PDE1C: variants seen among roughly 807,000 people sequenced by gnomAD.
The protein encoded by PDE1C is dual specificity calcium/calmodulin-dependent 3',5'-cyclic nucleotide phosphodiesterase 1C.
In PDE1C, 62 loss-of-function variants were observed where a neutral mutation model predicts 93.1. That is an observed-to-expected ratio of 0.67 (90% confidence interval 0.54 to 0.82). PDE1C has a LOEUF of 0.82. Ranked by LOEUF, PDE1C falls within the 40% of genes least tolerant of loss-of-function variation. The pLI, the probability that PDE1C is intolerant of heterozygous loss-of-function variation, is 0.00. For missense variants in PDE1C, 742 were observed against 884.6 expected (o/e 0.84, Z 2.04); for synonymous variants, 325 against 310.1 (o/e 1.05, Z -0.50).
chr7:32,238,649 A>T (rs1400300069), intron 1 of PDE1C, among the ~76,000 whole-genome samples: 1 of 152,254 alleles, frequency 6.6e-6, no homozygotes, highest in East Asian at 1.9e-4. Context: ...ATCAGATATT[A>T]GCACTTAATT....
intron 8 of PDE1C, among the ~76,000 whole-genome samples, chr7:31,850,388 G>A (rs1021990892): frequency 5.9e-5 from 9 of 152,024 alleles, no homozygotes; most frequent in African/African-American, 1.9e-4. Context: ...AACAAATAGC[G>A]AACATTAGAA....
intron 1 of PDE1C, among the ~76,000 whole-genome samples, chr7:32,337,428 A>G (rs547595576): frequency 1.3e-5 from 2 of 152,204 alleles, no homozygotes; most frequent in Non-Finnish European, 2.9e-5. Context: ...AACCAAAACT[A>G]GTATAGTTGA....
intron 2 of PDE1C, among the ~76,000 whole-genome samples, chr7:31,941,910 T>A (rs1176878791): frequency 6.6e-6 from 1 of 152,200 alleles, no homozygotes; most frequent in African/African-American, 2.4e-5. Context: ...CAAAGTGGCA[T>A]TTTGAGTCAC....
chr7:31,631,238 G>A, the PDE1C span, among the ~76,000 whole-genome samples: 1 of 152,102 alleles, frequency 6.6e-6, no homozygotes, highest in African/African-American at 2.4e-5. Context: ...GCACAATTAT[G>A]CTACCAAAAT....
chr7:31,709,147 A>T, the PDE1C span, among the ~76,000 whole-genome samples: 1 of 152,202 alleles, frequency 6.6e-6, no homozygotes, highest in Non-Finnish European at 1.5e-5. Flanking sequence ...ACCTGTAGCC[A>T]TGTCTGCAGA....
intron 3 of PDE1C, among the ~76,000 whole-genome samples, chr7:32,144,260 GTC>G (rs1800696236): frequency 6.6e-6 from 1 of 152,098 alleles, no homozygotes; most frequent in Non-Finnish European, 1.5e-5. Flanking sequence ...GTGTCTCTCT[GTC>G]TCTCTTCTGT....
chr7:31,922,317 G>T (rs1018278645), intron 2 of PDE1C, among the ~76,000 whole-genome samples: 6 of 152,152 alleles, frequency 3.9e-5, no homozygotes, highest in African/African-American at 1.4e-4. Context: ...CCCCTAGCAA[G>T]AATTCTCTCT....
intron 2 of PDE1C, among the ~76,000 whole-genome samples, chr7:31,916,881 G>C (rs1464068303): frequency 6.6e-6 from 1 of 152,186 alleles, no homozygotes; most frequent in Non-Finnish European, 1.5e-5. Flanking sequence ...CAATGGACTG[G>C]AGGTCCCCAC....
intron 1 of PDE1C, among the ~76,000 whole-genome samples, chr7:32,063,607 G>C (rs550995693): frequency 7.7e-4 from 117 of 152,304 alleles, no homozygotes; most frequent in African/African-American, 2.6e-3. Flanking sequence ...TAAGCTGCAT[G>C]AGTATTCAAG....
chr7:32,039,413 C>T (rs1791538182), intron 2 of PDE1C, among the ~76,000 whole-genome samples: 2 of 152,314 alleles, frequency 1.3e-5, no homozygotes, highest in Middle Eastern at 6.8e-3. Context: ...AATTGCAGTG[C>T]TAATTCTGAG....
chr7:32,238,584 T>C (rs376595042), intron 1 of PDE1C, among the ~76,000 whole-genome samples: 2 of 152,226 alleles, frequency 1.3e-5, no homozygotes, highest in East Asian at 3.9e-4. Context: ...ATGGTCCAAA[T>C]ATAGCCAAAG....
chr7:32,416,310 G>A lies in PDE1C; in HGVS notation c.310+11512C>T, dbSNP rs114948612. Among the ~76,000 whole-genome samples the A allele has an allele frequency of 5.5e-3, 841 of 152,284 alleles. 5 individuals are homozygous for A. The highest frequency in any genetic ancestry group is 0.019 in the African/African-American group (789 of 41,546). On this transcript the variant is annotated intron_variant, in intron 1 of 1. Transcript: ENST00000672256. ...AATGCCCCGGACGTACATATTCAAG[G>A]ATAAGGATGAGACGGGACTCTGGGC...
intron 4 of PDE1C, 129 bp downstream of exon 4, chr7:31,878,863 ACTAT>A (rs1464315262): frequency 1.2e-6 from 1 of 815,264 alleles, no homozygotes; most frequent in Non-Finnish European, 1.9e-6. Context: ...CTCATTCAAG[ACTAT>A]CTGTTTCTAC....
chr7:32,105,153 G>C (rs761468858), intron 3 of PDE1C, among the ~76,000 whole-genome samples: 5 of 152,150 alleles, frequency 3.3e-5, no homozygotes, highest in Non-Finnish European at 7.3e-5. Context: ...CACATTTCTA[G>C]CTAATGGTGA....
intron 1 of PDE1C, among the ~76,000 whole-genome samples, chr7:32,211,894 A>T (rs10230174): frequency 0.99 from 149,887 of 151,758 alleles, 74,053 homozygotes; most frequent in Middle Eastern, 1. Context: ...GGTGTGGTGG[A>T]GCATGCCTGT....
rs1043816354 is a variant in PDE1C, at chr7:32,005,372, C to T, written c.128+46182G>A. ...GAGATCGAGACCATCCTGGCTAACA[C>T]GGTGAAATCCTGTCTCTACTAAAAA... On this transcript the variant is annotated intron_variant, in intron 2 of 17. Transcript: ENST00000396191. 1.9e-4 allele frequency among the ~76,000 whole-genome samples: 29 copies of T among 151,634 alleles called. 1 individual carries two copies. Among genetic ancestry groups the T allele is most frequent in the Admixed American group, 6.6e-4 (10 of 15,222 alleles).
chr7:31,656,445 A>G, the PDE1C span: 12 of 910,154 alleles, frequency 1.3e-5, no homozygotes, highest in Non-Finnish European at 1.6e-5. Context: ...TAAGTGTTCA[A>G]TGCATGTTGG....
At chr7:31,855,369 T>C (rs906380986) in intron 7 of PDE1C, among the ~76,000 whole-genome samples, 4 of 152,120 alleles carry the variant, frequency 2.6e-5, no homozygotes, top group Admixed American at 6.5e-5. Flanking sequence ...CTCCTTGACT[T>C]TGATGAACTT....
At chr7:32,387,672 C>A (rs1161899279) in intron 1 of PDE1C, among the ~76,000 whole-genome samples, 1 of 134,850 alleles carries the variant, frequency 7.4e-6, no homozygotes, top group Non-Finnish European at 1.6e-5. Context: ...GCTGGCCGGG[C>A]GGGGGGCTGA....
Sources: allele counts gnomAD v4.1 joint callset (sites outside exome capture counted in the v4.1 genomes callset), GRCh38; gene constraint gnomAD v4.1.1; transcripts MANE v1.5; gene names NCBI Gene and HGNC (gene_info 2026-07-23, HGNC 2026-07-21).